The following PXYLP1 variants were observed in gnomAD, a reference collection of about 807,000 sequenced individuals.
The protein encoded by PXYLP1 is acid phosphatase-like 2.
In PXYLP1, 17 loss-of-function variants were observed where a neutral mutation model predicts 37.9. The observed-to-expected ratio is 0.45, with a 90% CI of 0.31 to 0.67. The LOEUF is 0.67. Ranked by LOEUF, PXYLP1 falls within the 30% of genes least tolerant of loss-of-function variation. The pLI is 0.07. For synonymous variants in PXYLP1, 221 were observed against 232.2 expected (o/e 0.95, Z 0.44); for missense variants, 511 against 612.0 (o/e 0.84, Z 1.74).
intron 2 of PXYLP1, among the ~76,000 whole-genome samples, chr3:141,276,921 A>G (rs1458297213): frequency 6.6e-6 from 1 of 152,258 alleles, no homozygotes; most frequent in Admixed American, 6.5e-5. Context: ...TATGAAAAAC[A>G]GTATCACACT....
At chr3:141,270,134 G>T (rs542843271) in intron 2 of PXYLP1, among the ~76,000 whole-genome samples, 2 of 152,250 alleles carry the variant, frequency 1.3e-5, no homozygotes, top group Non-Finnish European at 2.9e-5. Context: ...GCTACCAGGC[G>T]TATCAGAAGC....
intron 4 of PXYLP1, among the ~76,000 whole-genome samples, chr3:141,283,364 C>T (rs563188022): frequency 6.6e-6 from 1 of 152,100 alleles, no homozygotes; most frequent in Admixed American, 6.5e-5. Context: ...ATGTTGATGG[C>T]ATTTGAAGCT....
intron 2 of PXYLP1, among the ~76,000 whole-genome samples, chr3:141,269,579 T>C (rs1035123997): frequency 1.3e-5 from 2 of 152,216 alleles, no homozygotes; most frequent in Admixed American, 1.3e-4. Context: ...TGTGGACTTC[T>C]GCATTGTCCC....
intron 4 of PXYLP1, among the ~76,000 whole-genome samples, chr3:141,281,251 C>T (rs536641029): frequency 4.6e-5 from 7 of 152,322 alleles, no homozygotes; most frequent in African/African-American, 1.4e-4. Flanking sequence ...AAGGGGCCAG[C>T]CCTGTGATGG....
chr3:141,278,559 C>A, intron 3 of PXYLP1, 59 bp downstream of exon 3: 1 of 1,593,066 alleles, frequency 6.3e-7, no homozygotes, highest in Non-Finnish European at 8.6e-7. Context: ...ATTCCAGCAG[C>A]ATTGCACAGC....
At chr3:141,241,538 T>G (rs1221118468) in intron 1 of PXYLP1, among the ~76,000 whole-genome samples, 1 of 152,126 alleles carries the variant, frequency 6.6e-6, no homozygotes, top group Non-Finnish European at 1.5e-5. Flanking sequence ...GTGCTTAAGC[T>G]GAGTTTAAGG....
Position 141,292,659 on chromosome 3 carries a change from C to T in PXYLP1, c.897C>T (p.Leu299=), listed in dbSNP as rs374924472. Reference sequence around the variant, plus strand: ...CTGCCAACCCCATAGACTCCATGCTCTGCCACTTCTGCCACAATGTCAGCT... The same window carrying T: ...CTGCCAACCCCATAGACTCCATGCTTTGCCACTTCTGCCACAATGTCAGCT... The part of the protein sequence containing the change: ...LRAANPIDSM[L]CHFCHNVSFP... The change falls in exon 6 of 6, where the codon CTC becomes CTT. Residue 299 remains leucine (L), a synonymous_variant. Coordinates refer to ENST00000286353, the MANE Select transcript of PXYLP1 (RefSeq NM_001037172.3). This position sits in a 1 kb window ranked among gnomAD's most constrained non-coding sequence, Gnocchi z 4.3. The T allele has an allele frequency of 1.2e-6, 2 of 1,613,248 alleles. No homozygotes were observed. Among genetic ancestry groups the T allele is most frequent in the African/African-American group, 2.7e-5 (2 of 74,922 alleles).
chr3:141,273,177 C>T, intron 2 of PXYLP1: 1 of 985,276 alleles, frequency 1.0e-6, no homozygotes, highest in Non-Finnish European at 1.2e-6. Context: ...ATTGTAAACC[C>T]CGTGAGGGCA....
intron 2 of PXYLP1, among the ~76,000 whole-genome samples, chr3:141,275,129 G>A (rs1028025136): frequency 6.6e-6 from 1 of 152,114 alleles, no homozygotes; most frequent in African/African-American, 2.4e-5. Context: ...AATAGTACAG[G>A]GTGATCTCAC....
chr3:141,231,868 G>C lies in PXYLP1; in HGVS notation c.-97G>C, dbSNP rs1336820528. 6.6e-6 allele frequency: 1 copy of C among 151,018 alleles called. No homozygotes were observed. The highest frequency in any genetic ancestry group is 1.5e-5 in the Non-Finnish European group (1 of 67,660). The allele number at this position is 151,018 out of a possible 1,614,324, so 9.4% of individuals were successfully genotyped here. A position where few individuals can be genotyped will look rare whatever the true frequency, so the allele number is the denominator to read the frequency against. ...AGGAGCTGGCGGCGAGCGCCGAGCCGGGCGCGCAGCGACGGAGCTGGGGCC... is the reference window on the plus strand; with the variant it reads ...AGGAGCTGGCGGCGAGCGCCGAGCCCGGCGCGCAGCGACGGAGCTGGGGCC... On this transcript the variant is annotated 5_prime_UTR_variant, in exon 1 of 6. Transcript: ENST00000286353. This position sits in a 1 kb window ranked among gnomAD's most constrained non-coding sequence, Gnocchi z 4.4.
chr3:141,266,774 C>T (rs1447570939), intron 2 of PXYLP1, among the ~76,000 whole-genome samples: 2 of 151,176 alleles, frequency 1.3e-5, no homozygotes, highest in Non-Finnish European at 3.0e-5. Context: ...AACTCTTCTA[C>T]CTGCAGAGCT....
intron 2 of PXYLP1, chr3:141,274,399 G>A (rs1941740749): frequency 3.5e-6 from 5 of 1,448,848 alleles, no homozygotes; most frequent in Admixed American, 2.5e-5. Context: ...ACCCCCATCT[G>A]CCATGTTTGG....
rs61618039 is a variant in PXYLP1 at position 141,274,324 on chromosome 3, A to G, written c.80-4018A>G. 4.6e-3 allele frequency: 6,351 copies of G among 1,391,530 alleles called. 254 individuals are homozygous for G. The African/African-American group carries it at 0.08, about 18-fold the overall frequency. The allele number at this position is 1,391,530 out of a possible 1,614,324, so 86.2% of individuals were successfully genotyped here. On this transcript the variant is annotated intron_variant, in intron 2 of 5. Coordinates refer to ENST00000286353, the MANE Select transcript of PXYLP1 (RefSeq NM_001037172.3). The stretch of plus-strand genomic sequence containing the variant: ...CTCCTGGAGCCCGGCCTGCACATCG[A>G]CCCTGGTGAGGCCAACCTGACCAGG...
chr3:141,248,626 C>CGT (rs1553751328), intron 1 of PXYLP1, among the ~76,000 whole-genome samples: 4 of 108,234 alleles, frequency 3.7e-5, no homozygotes, highest in Non-Finnish European at 3.3e-5. Flanking sequence ...TATACACACA[C>CGT]GTATATATAC....
Position 141,262,454 on chromosome 3 carries a change from G to C in PXYLP1, c.79+2200G>C, listed in dbSNP as rs1941413826. ...CTGATTTTATTTTGAGAGGCTGACA[G>C]GTTCTGAGACATGAATGTGTGTTAC... On this transcript the variant is annotated intron_variant, in intron 2 of 5. Coordinates refer to ENST00000286353, the MANE Select transcript of PXYLP1 (RefSeq NM_001037172.3). 3 of 710,980 alleles carry C rather than the reference G, an allele frequency of 4.2e-6. No individual in the cohort carries two copies. In the South Asian group the frequency reaches 1.5e-4, roughly 35 times the overall value. 44.0% of individuals were successfully genotyped at this position (710,980 alleles called of 1,614,324 possible).
intron 1 of PXYLP1, among the ~76,000 whole-genome samples, chr3:141,255,810 G>A (rs148416478): frequency 3.3e-5 from 5 of 152,348 alleles, no homozygotes; most frequent in African/African-American, 9.6e-5. Context: ...AGGGAGCTCT[G>A]GAAAACTCAG....
chr3:141,287,830 A>G (rs1157985927), intron 5 of PXYLP1, among the ~76,000 whole-genome samples: 1 of 152,174 alleles, frequency 6.6e-6, no homozygotes, highest in African/African-American at 2.4e-5. Context: ...TTTCCACTCA[A>G]CAACACATTT....
Position 141,278,229 on chromosome 3 carries a change from G to T in PXYLP1, c.80-113G>T, listed in dbSNP as rs116559232. The T allele has an allele frequency of 4.9e-3, 6,083 of 1,235,100 alleles. 23 individuals carry two copies. Among genetic ancestry groups the T allele is most frequent in the Non-Finnish European group, 6.5e-3 (5,673 of 869,952 alleles). 76.5% of individuals were successfully genotyped at this position (1,235,100 alleles called of 1,614,324 possible). A position where few individuals can be genotyped will look rare whatever the true frequency, so the allele number is the denominator to read the frequency against. Reference sequence around the variant, plus strand: ...CTTCTGCTCCACTGAAGTGCACCTTGATTCTCAGTGTAAGAATAGCTCCTC... The same window carrying T: ...CTTCTGCTCCACTGAAGTGCACCTTTATTCTCAGTGTAAGAATAGCTCCTC... On this transcript the variant is annotated intron_variant, in intron 2 of 5. Transcript: ENST00000286353.
intron 1 of PXYLP1, among the ~76,000 whole-genome samples, chr3:141,247,543 A>G (rs1310924792): frequency 6.6e-6 from 1 of 152,198 alleles, no homozygotes; most frequent in East Asian, 1.9e-4. Flanking sequence ...ACAATCAGTG[A>G]TATGGCAATC....
Sources: gnomAD v4.1 joint callset for allele counts (sites outside exome capture counted in the v4.1 genomes callset) on GRCh38, gnomAD v4.1.1 for gene constraint, Gnocchi (gnomAD v3.1) non-coding constraint, MANE v1.5 for transcripts, NCBI Gene and HGNC (gene_info 2026-07-23, HGNC 2026-07-21) for gene names.